CAPZB: variants seen among roughly 807,000 people sequenced by gnomAD.
CAPZB encodes capping actin protein of muscle Z-line subunit beta.
Under a neutral mutation model 38.1 loss-of-function variants are expected in CAPZB, and 2 were observed. The observed-to-expected ratio is 0.05, with a 90% CI of 0.02 to 0.17. The LOEUF (loss-of-function observed/expected upper bound fraction) is 0.17. Ranked by LOEUF, CAPZB falls within the 10% of genes least tolerant of loss-of-function variation. The pLI, the probability that CAPZB is intolerant of heterozygous loss-of-function variation, is 1.00. For missense variants in CAPZB, 161 were observed against 334.2 expected, an observed-to-expected ratio of 0.48 and a Z score of 4.04; for synonymous variants, 107 against 127.4, an observed-to-expected ratio of 0.84 and a Z score of 1.08.
intron 1 of CAPZB, among the ~76,000 whole-genome samples, chr1:19,474,642 T>A (rs2094600717): frequency 6.6e-6 from 1 of 152,080 alleles, no homozygotes; most frequent in Non-Finnish European, 1.5e-5. Context: ...AGTTTACCAA[T>A]GCAAACGGGT....
At chr1:19,447,343 C>T (rs2094499835) in intron 1 of CAPZB, among the ~76,000 whole-genome samples, 1 of 136,560 alleles carries the variant, frequency 7.3e-6, no homozygotes, top group Non-Finnish European at 1.5e-5. Flanking sequence ...TCTCAGCCTC[C>T]TGAGCAGCTG....
At chr1:19,452,918 C>T (rs2100704606) in intron 1 of CAPZB, among the ~76,000 whole-genome samples, 1 of 151,738 alleles carries the variant, frequency 6.6e-6, no homozygotes, top group Non-Finnish European at 1.5e-5. Flanking sequence ...ATTCACCTGC[C>T]TCAGTCTCCC....
chr1:19,415,572 AAAG>A, intron 2 of CAPZB, among the ~76,000 whole-genome samples: 1 of 152,390 alleles, frequency 6.6e-6, no homozygotes. Context: ...TAAAACATTC[AAAG>A]AAGAAACCTC....
intron 6 of CAPZB, among the ~76,000 whole-genome samples, chr1:19,350,445 C>T (rs2093985556): frequency 6.6e-6 from 1 of 152,276 alleles, no homozygotes; most frequent in Admixed American, 6.5e-5. Context: ...GGTCACCACA[C>T]TGTGCTGTGG....
chr1:19,346,637 T>A (rs1279718652), intron 6 of CAPZB, among the ~76,000 whole-genome samples: 1 of 151,786 alleles, frequency 6.6e-6, no homozygotes. Context: ...CTACATCTCC[T>A]CATCAGGGAG....
intron 2 of CAPZB, among the ~76,000 whole-genome samples, chr1:19,414,784 T>A (rs916000700): frequency 1.3e-5 from 2 of 152,208 alleles, no homozygotes; most frequent in African/African-American, 2.4e-5. Flanking sequence ...CAAGGGAACA[T>A]CTTCACATCA....
Position 19,357,704 on chromosome 1 carries a change from T to C in CAPZB, c.330-141A>G, listed in dbSNP as rs1193177388. 1 of 730,952 alleles carries C rather than the reference T, an allele frequency of 1.4e-6. No homozygotes were observed. The highest frequency in any genetic ancestry group is 1.8e-5 in the African/African-American group (1 of 56,136). The allele number at this position is 730,952 out of a possible 1,614,324, so 45.3% of individuals were successfully genotyped here. On this transcript the variant is annotated intron_variant, in intron 4 of 8. Transcript: ENST00000264202. The surrounding 1 kb of genome is among the most constrained non-coding windows in gnomAD (Gnocchi z 4.3). ...TGGGAGCCGATCCTTGGGTGTGTTC[T>C]GATCGTTCTGTGGCTGGGGGAGGGG... is the stretch of plus-strand genomic sequence containing the variant.
intron 6 of CAPZB, among the ~76,000 whole-genome samples, chr1:19,345,812 A>G (rs2093957420): frequency 3.9e-5 from 6 of 152,258 alleles, no homozygotes; most frequent in Admixed American, 3.9e-4. Flanking sequence ...CTAGTCATGC[A>G]GGTGGCAATG....
At chr1:19,375,221 A>G (rs1267052151) in intron 4 of CAPZB, among the ~76,000 whole-genome samples, 3 of 152,242 alleles carry the variant, frequency 2.0e-5, no homozygotes, top group African/African-American at 7.2e-5. Flanking sequence ...TTTTTAGACT[A>G]TAAATGGGTT....
At chr1:19,371,675 C>T (rs1040155586) in intron 4 of CAPZB, among the ~76,000 whole-genome samples, 2 of 152,222 alleles carry the variant, frequency 1.3e-5, no homozygotes, top group East Asian at 1.9e-4. Flanking sequence ...TGGGAAGCCC[C>T]CCAGCACCTC....
chr1:19,349,370 CAG>C lies in CAPZB; in HGVS notation c.589-4120_589-4119del, dbSNP rs1456425798. Among the ~76,000 whole-genome samples the C allele has an allele frequency of 5.8e-3, 882 of 152,232 alleles. 8 individuals carry two copies. Among genetic ancestry groups the C allele is most frequent in the African/African-American group, 0.02 (827 of 41,530 alleles). On this transcript the variant is annotated intron_variant, in intron 6 of 8. Transcript: ENST00000264202. The stretch of plus-strand genomic sequence containing the variant: ...AATGAATGAGGTCCTTCCAGCAAAT[CAG>C]AGTCTCTCCTCCTCCCCGGCTCCAT...
chr1:19,370,379 A>C (rs2094113579), intron 4 of CAPZB, among the ~76,000 whole-genome samples: 1 of 152,208 alleles, frequency 6.6e-6, no homozygotes, highest in Non-Finnish European at 1.5e-5. Flanking sequence ...AGAGCAAAGG[A>C]GGCTGAGGGA....
At chr1:19,342,425 C>G (rs1246149955) in intron 8 of CAPZB, among the ~76,000 whole-genome samples, 1 of 152,230 alleles carries the variant, frequency 6.6e-6, no homozygotes, top group Non-Finnish European at 1.5e-5. Context: ...GCCCTGGGGA[C>G]AGTCAGGCCG....
At chr1:19,380,376 C>A (rs1215563535) in intron 3 of CAPZB, among the ~76,000 whole-genome samples, 1 of 152,226 alleles carries the variant, frequency 6.6e-6, no homozygotes, top group African/African-American at 2.4e-5. Context: ...GGGTGAGACA[C>A]CCCCTGCTGC....
intron 1 of CAPZB, among the ~76,000 whole-genome samples, chr1:19,467,120 C>T (rs2094571626): frequency 6.6e-6 from 1 of 151,930 alleles, no homozygotes; most frequent in Admixed American, 6.6e-5. Flanking sequence ...TAGGCTGGTC[C>T]CAAGTGATCC....
chr1:19,443,263 G>A (rs1055679989), intron 1 of CAPZB, among the ~76,000 whole-genome samples: 1 of 151,852 alleles, frequency 6.6e-6, no homozygotes. Flanking sequence ...AGGCATGGTA[G>A]CGCGTGCCTG....
chr1:19,484,487 G>GCAGAAGGGCC (rs1282833087), intron 1 of CAPZB: 49 of 1,409,918 alleles, frequency 3.5e-5, no homozygotes, highest in Non-Finnish European at 4.5e-5. Flanking sequence ...AGAAGGGCCC[G>GCAGAAGGGCC]CAGAGCAGCG....
chr1:19,474,839 T>C (rs2094601502), intron 1 of CAPZB, among the ~76,000 whole-genome samples: 1 of 152,158 alleles, frequency 6.6e-6, no homozygotes, highest in Non-Finnish European at 1.5e-5. Context: ...GTGGGCCACT[T>C]ACACCCAGAG....
chr1:19,442,303 A>G (rs1239401575), intron 1 of CAPZB, among the ~76,000 whole-genome samples: 1 of 152,194 alleles, frequency 6.6e-6, no homozygotes, highest in African/African-American at 2.4e-5. Flanking sequence ...CATGACAATT[A>G]CACCAGAGGA....
Sources: allele counts gnomAD v4.1 joint callset (sites outside exome capture counted in the v4.1 genomes callset), GRCh38; gene constraint gnomAD v4.1.1; non-coding constraint Gnocchi (gnomAD v3.1); transcripts MANE v1.5; gene names NCBI Gene and HGNC (gene_info 2026-07-23, HGNC 2026-07-21).